The following KIF1B variants were observed in gnomAD, a reference collection of about 807,000 sequenced individuals.
The protein encoded by KIF1B is kinesin family member 1B, also known as kinesin-like protein KIF1B.
A neutral mutation model predicts 241.9 loss-of-function variants in KIF1B; 76 were observed. That is an observed-to-expected ratio of 0.31 (90% confidence interval 0.26 to 0.38). The LOEUF (loss-of-function observed/expected upper bound fraction) is 0.38. Among genes scored for constraint, KIF1B ranks in the 10% least tolerant of loss-of-function variants. The probability of loss-of-function intolerance (pLI) is 1.00; values close to 1 mark genes in which losing one functional copy is unlikely to be tolerated. For synonymous variants in KIF1B, 750 were observed against 796.7 expected, an observed-to-expected ratio of 0.94 and a Z score of 0.99; for missense variants, 1,622 against 2,271.4, an observed-to-expected ratio of 0.71 and a Z score of 5.81.
intron 34 of KIF1B, among the ~76,000 whole-genome samples, chr1:10,345,148 C>G (rs1028461512): frequency 2.6e-5 from 4 of 152,162 alleles, no homozygotes; most frequent in African/African-American, 9.6e-5. Flanking sequence ...GAGCCGAGAT[C>G]ACGCCATAAA....
intron 15 of KIF1B, among the ~76,000 whole-genome samples, chr1:10,290,837 C>T (rs1175318345): frequency 6.6e-6 from 1 of 150,840 alleles, no homozygotes; most frequent in Non-Finnish European, 1.5e-5. Flanking sequence ...CCACTGCAGC[C>T]TGGTGACAAA....
intron 1 of KIF1B, among the ~76,000 whole-genome samples, chr1:10,215,301 C>T (rs866484709): frequency 1.3e-5 from 2 of 149,480 alleles, no homozygotes; most frequent in Non-Finnish European, 3.0e-5. Context: ...CTCAGCCTCC[C>T]TAGTAGCTGG....
intron 1 of KIF1B, among the ~76,000 whole-genome samples, chr1:10,218,709 C>T (rs947101110): frequency 6.6e-6 from 1 of 152,296 alleles, no homozygotes; most frequent in African/African-American, 2.4e-5. Context: ...GCGTGAGCCA[C>T]GATGCCCAGC....
chr1:10,230,947 C>G (rs1334352660), intron 1 of KIF1B: 1 of 152,158 alleles, frequency 6.6e-6, no homozygotes, highest in Non-Finnish European at 1.5e-5. Flanking sequence ...GGCGCAGTGA[C>G]TCACGCTTAT....
intron 31 of KIF1B, among the ~76,000 whole-genome samples, chr1:10,338,683 G>A (rs1396587359): frequency 6.6e-6 from 1 of 152,206 alleles, no homozygotes; most frequent in African/African-American, 2.4e-5. Context: ...TTAGCTCTGG[G>A]GAAAAGGGCA....
chr1:10,275,407 C>G, intron 10 of KIF1B, 21 bp from the exon 11 acceptor site: 1 of 1,348,280 alleles, frequency 7.4e-7, no homozygotes, highest in Non-Finnish European at 1.1e-6. Flanking sequence ...AATGCTAAGA[C>G]CATTTCTTTT....
In KIF1B at chr1:10,326,511, T is replaced by C; in HGVS notation, c.2924+152T>C. The C allele has an allele frequency of 9.5e-7, 1 of 1,056,354 alleles. No individual in the cohort carries two copies. Among genetic ancestry groups the C allele is most frequent in the Admixed American group, 1.9e-5 (1 of 53,096 alleles). The allele number at this position is 1,056,354 out of a possible 1,614,324, so 65.4% of individuals were successfully genotyped here. A position where few individuals can be genotyped will look rare whatever the true frequency, so the allele number is the denominator to read the frequency against. On this transcript the variant is annotated intron_variant, in intron 27 of 48. Coordinates refer to ENST00000676179, the MANE Select transcript of KIF1B (RefSeq NM_001365951.3). The surrounding 1 kb of genome is among the most constrained non-coding windows in gnomAD (Gnocchi z 5.2). ...TCCAATACTTCAAGCTCTTAGTCAG[T>C]GCTGGTCTGGCTGAGATGGTTCTCA...
Position 10,252,864 on chromosome 1 carries a change from C to T in KIF1B, c.107-3383C>T, listed in dbSNP as rs143695775. On this transcript the variant is annotated intron_variant, in intron 2 of 48. Transcript: ENST00000676179. ...TTAGCCTCCCGAGTAGCTGGGATTACAGGCGTGCCCCACCACGCTGCACTG... is the reference window on the plus strand; with the variant it reads ...TTAGCCTCCCGAGTAGCTGGGATTATAGGCGTGCCCCACCACGCTGCACTG... 8.0e-4 allele frequency among the ~76,000 whole-genome samples: 122 copies of T among 152,150 alleles called. 1 individual carries two copies. Among genetic ancestry groups the T allele is most frequent in the African/African-American group, 2.9e-3 (121 of 41,514 alleles).
chr1:10,316,882 C>A (rs1651326452), intron 22 of KIF1B, among the ~76,000 whole-genome samples: 2 of 151,428 alleles, frequency 1.3e-5, no homozygotes, highest in African/African-American at 4.9e-5. Flanking sequence ...ATTGCCATTT[C>A]TTCTGCATTT....
chr1:10,299,456 A>G (rs1650433157), intron 22 of KIF1B, among the ~76,000 whole-genome samples: 1 of 152,248 alleles, frequency 6.6e-6, no homozygotes, highest in African/African-American at 2.4e-5. Flanking sequence ...AGCCTGAAGA[A>G]TATCTACCAG....
chr1:10,263,691 G>A (rs1053159504), intron 5 of KIF1B, among the ~76,000 whole-genome samples: 1 of 152,206 alleles, frequency 6.6e-6, no homozygotes, highest in African/African-American at 2.4e-5. Flanking sequence ...TGAATAGCTT[G>A]TCCCATAGTT....
rs1478383991 is a variant in KIF1B, at chr1:10,365,372, T to C, written c.4513-37T>C. The C allele has an allele frequency of 4.3e-6, 7 of 1,614,042 alleles. No individual in the cohort carries two copies. Among genetic ancestry groups the C allele is most frequent in the African/African-American group, 1.3e-5 (1 of 74,914 alleles). On this transcript the variant is annotated intron_variant, in intron 42 of 48. Transcript: ENST00000676179. The surrounding 1 kb of genome is among the most constrained non-coding windows in gnomAD (Gnocchi z 4.0). ...TTTCTCTCCTGAGGTCTTAACGAGC[T>C]TTGTGTTTGCTATAGCAGTAGTATT...
intron 27 of KIF1B, among the ~76,000 whole-genome samples, chr1:10,329,361 A>G (rs1195247324): frequency 6.6e-6 from 1 of 152,206 alleles, no homozygotes; most frequent in East Asian, 1.9e-4. Flanking sequence ...AAGGAAAGTA[A>G]CTACTTTCCT....
At chr1:10,216,135 A>T (rs1024370715) in intron 1 of KIF1B, among the ~76,000 whole-genome samples, 23 of 152,210 alleles carry the variant, frequency 1.5e-4, no homozygotes, top group Non-Finnish European at 2.4e-4. Context: ...CCCCAAAATC[A>T]TAAGTACTAG....
At chr1:10,330,621 C>T (rs1370946515) in intron 27 of KIF1B, among the ~76,000 whole-genome samples, 2 of 152,132 alleles carry the variant, frequency 1.3e-5, no homozygotes, top group African/African-American at 4.8e-5. Flanking sequence ...GATGGCTTTG[C>T]TTTTCTGCTT....
chr1:10,250,946 T>C (rs1356461601), intron 2 of KIF1B, among the ~76,000 whole-genome samples: 1 of 152,154 alleles, frequency 6.6e-6, no homozygotes, highest in East Asian at 1.9e-4. Flanking sequence ...GTGGATCACC[T>C]GAGGTAAGGA....
At chr1:10,335,733 G>A (rs1176000436) in intron 28 of KIF1B, among the ~76,000 whole-genome samples, 3 of 151,248 alleles carry the variant, frequency 2.0e-5, no homozygotes, top group Admixed American at 6.6e-5. Flanking sequence ...GTGGTGGCTC[G>A]TGCCTGTAGT....
rs1638966300 is a variant in KIF1B, at chr1:10,379,368, A to G, written c.*2781A>G. 4.3e-6 allele frequency: 1 copy of G among 231,346 alleles called. No homozygotes were observed. The highest frequency in any genetic ancestry group is 5.6e-5 in the Admixed American group (1 of 17,708). 14.3% of individuals were successfully genotyped at this position (231,346 alleles called of 1,614,324 possible). The stretch of plus-strand genomic sequence containing the variant: ...GGCCTCTTAGGGAGCCAGAGGGAGC[A>G]GAGTGGTCGTGTCCTGCGTGCTCTT... On this transcript the variant is annotated 3_prime_UTR_variant, in exon 49 of 49. Coordinates refer to ENST00000676179, the MANE Select transcript of KIF1B (RefSeq NM_001365951.3).
intron 45 of KIF1B, among the ~76,000 whole-genome samples, chr1:10,373,018 T>C (rs1638789092): frequency 6.6e-6 from 1 of 151,604 alleles, no homozygotes; most frequent in South Asian, 2.1e-4. Context: ...GGTTTCACCA[T>C]TTTGGTCAGG....
Sources: gnomAD v4.1 joint callset for allele counts (sites outside exome capture counted in the v4.1 genomes callset) on GRCh38, gnomAD v4.1.1 for gene constraint, Gnocchi (gnomAD v3.1) non-coding constraint, MANE v1.5 for transcripts, NCBI Gene and HGNC (gene_info 2026-07-23, HGNC 2026-07-21) for gene names.